The following NF1 variants were observed in gnomAD, a reference collection of about 807,000 sequenced individuals.
NF1 encodes the protein neurofibromin 1.
A neutral mutation model predicts 325.7 loss-of-function variants in NF1; 122 were observed. The ratio of observed to expected loss-of-function variants is 0.37; its 90% CI spans 0.32 to 0.44. The LOEUF (loss-of-function observed/expected upper bound fraction) is 0.44, where lower values mean the gene tolerates loss of function less well. NF1 is among the 20% of genes least tolerant of loss of function. NF1 has a pLI of 1.00. For missense variants in NF1, 2,140 were observed against 3,415.4 expected (o/e 0.63, Z 9.31); for synonymous variants, 1,091 against 1,186.0 (o/e 0.92, Z 1.65).
At chr17:31,210,590 A>C (rs1022320975) in intron 12 of NF1, among the ~76,000 whole-genome samples, 4 of 152,152 alleles carry the variant, frequency 2.6e-5, no homozygotes, top group Admixed American at 1.3e-4. Flanking sequence ...TGTCTCAAAG[A>C]AACAAAAACA....
At chr17:31,154,281 T>C (rs1199794625) in intron 1 of NF1, among the ~76,000 whole-genome samples, 1 of 152,074 alleles carries the variant, frequency 6.6e-6, no homozygotes, top group African/African-American at 2.4e-5. Flanking sequence ...GGTCTTGAAC[T>C]TTTGACCTCA....
chr17:31,235,541 A>G (rs1245027414), intron 27 of NF1, 70 bp from the exon 28 acceptor site: 1 of 1,576,722 alleles, frequency 6.3e-7, no homozygotes, highest in Non-Finnish European at 8.7e-7. Flanking sequence ...CATTTTTGCT[A>G]CTCTTTAGCT....
chr17:31,261,607 A>G, intron 34 of NF1, 104 bp from the exon 35 acceptor site: 1 of 1,243,532 alleles, frequency 8.0e-7, no homozygotes, highest in Non-Finnish European at 1.2e-6. Context: ...CTGTTTACAA[A>G]TCAGCTGACA....
At chr17:31,287,344 A>AT (rs376418916) in intron 36 of NF1, among the ~76,000 whole-genome samples, 8 of 152,210 alleles carry the variant, frequency 5.3e-5, no homozygotes, top group African/African-American at 2.4e-5. Flanking sequence ...TCTTAACCAT[A>AT]TTTTTTATCA....
At chr17:31,250,260 AG>A (rs1243384546) in intron 30 of NF1, 1 of 278,386 alleles carries the variant, frequency 3.6e-6, no homozygotes. Context: ...CTGAGTCTAA[AG>A]GGTAGTTTAG....
intron 8 of NF1, among the ~76,000 whole-genome samples, chr17:31,184,160 GA>G (rs2066188535): frequency 6.6e-6 from 1 of 152,138 alleles, no homozygotes; most frequent in Non-Finnish European, 1.5e-5. Flanking sequence ...ATATTGTGGA[GA>G]ACACTGATAG....
chr17:31,344,019 T>C (rs1209023570), intron 48 of NF1, among the ~76,000 whole-genome samples: 1 of 151,864 alleles, frequency 6.6e-6, no homozygotes, highest in African/African-American at 2.4e-5. Context: ...TGATAATAGC[T>C]ATATTAATAG....
intron 9 of NF1, 86 bp downstream of exon 9, chr17:31,200,681 T>C (rs2066512340): frequency 6.8e-7 from 1 of 1,460,176 alleles, no homozygotes; most frequent in East Asian, 2.3e-5. Flanking sequence ...AGATAATTGC[T>C]AACATTAAAG....
chr17:31,271,779 A>G (rs189734886), intron 36 of NF1, among the ~76,000 whole-genome samples: 10 of 151,476 alleles, frequency 6.6e-5, no homozygotes, highest in Admixed American at 2.6e-4. Context: ...TACAAAAACA[A>G]CTTCCCCCAT....
chr17:31,098,953 GAAT>G (rs1449428977), intron 1 of NF1, among the ~76,000 whole-genome samples: 3 of 117,704 alleles, frequency 2.5e-5, no homozygotes, highest in African/African-American at 8.6e-5. Context: ...AAAAAAAAAA[GAAT>G]CTTAATAGTT....
At chr17:31,343,184 C>A (rs1353049285) in intron 48 of NF1, 49 bp downstream of exon 48, 1 of 1,499,166 alleles carries the variant, frequency 6.7e-7, no homozygotes, top group Non-Finnish European at 9.2e-7. Flanking sequence ...ATTAAGAAAC[C>A]AGAAGTAATT....
At chr17:31,108,296 A>G (rs1482960740) in intron 1 of NF1, among the ~76,000 whole-genome samples, 2 of 113,680 alleles carry the variant, frequency 1.8e-5, no homozygotes, top group South Asian at 3.2e-4. Flanking sequence ...TTTTTCTGAG[A>G]CAGAGTCTCA....
At position 31,260,473 on chromosome 17, in the gene NF1, G is replaced by A. The variant is rs1267947462; in HGVS notation, c.4535G>A (p.Trp1512Ter). ...GNVLALHRLL[W>*]NNQEKIGQYL... Reference sequence around the variant, plus strand: ...GTGCTTGCTTTACATCGTCTACTCTGGAACAATCAGGAGAAAATTGGGCAG... The same window carrying A: ...GTGCTTGCTTTACATCGTCTACTCTAGAACAATCAGGAGAAAATTGGGCAG... The change falls in exon 34 of 58, where the codon TGG becomes TAG. Residue 1512 changes from tryptophan to a stop codon, truncating the protein, a stop_gained. Transcript: ENST00000358273. LOFTEE classifies it high-confidence loss of function. 6.2e-7 allele frequency: 1 copy of A among 1,613,930 alleles called. No individual in the cohort carries two copies. The highest frequency in any genetic ancestry group is 8.5e-7 in the Non-Finnish European group (1 of 1,179,940).
At chr17:31,253,097 C>A in intron 31 of NF1, 97 bp downstream of exon 31, 1 of 929,864 alleles carries the variant, frequency 1.1e-6, no homozygotes, top group South Asian at 1.4e-5. Flanking sequence ...CCTATTTGAC[C>A]TTCACTGTAA....
intron 1 of NF1, among the ~76,000 whole-genome samples, chr17:31,107,928 A>G (rs1913012322): frequency 6.6e-6 from 1 of 152,076 alleles, no homozygotes; most frequent in Admixed American, 6.6e-5. Flanking sequence ...GCTTGAGCCC[A>G]GGAGTTTGAG....
intron 13 of NF1, among the ~76,000 whole-genome samples, chr17:31,215,522 C>G (rs1444923082): frequency 6.6e-6 from 1 of 152,120 alleles, no homozygotes; most frequent in African/African-American, 2.4e-5. Context: ...GTTCCTATCT[C>G]AGAGATACTG....
At chr17:31,170,239 T>C (rs2065908384) in intron 5 of NF1, among the ~76,000 whole-genome samples, 1 of 152,248 alleles carries the variant, frequency 6.6e-6, no homozygotes, top group South Asian at 2.1e-4. Context: ...ACTACAATTT[T>C]TGTTTTCAAT....
intron 1 of NF1, among the ~76,000 whole-genome samples, chr17:31,151,282 G>C (rs1039339289): frequency 2.0e-5 from 3 of 151,980 alleles, no homozygotes; most frequent in Non-Finnish European, 4.4e-5. Context: ...ATACTATCTA[G>C]GATTGTATAA....
rs17883870 is a variant in NF1, at chr17:31,247,694, A to G, written c.3975-1290A>G. 3.6e-3 allele frequency among the ~76,000 whole-genome samples: 543 copies of G among 152,312 alleles called. 5 individuals are homozygous for G. Among genetic ancestry groups the G allele is most frequent in the African/African-American group, 0.012 (517 of 41,560 alleles). On this transcript the variant is annotated intron_variant, in intron 29 of 57. Transcript: ENST00000358273. ...AGGTAGCTGCCTTAGAGAATCTCTT[A>G]TGTGCAAGAATGTTCATTGCAATGG...
Sources: gnomAD v4.1 joint callset for allele counts (sites outside exome capture counted in the v4.1 genomes callset) on GRCh38, gnomAD v4.1.1 for gene constraint, MANE v1.5 for transcripts, NCBI Gene and HGNC (gene_info 2026-07-23, HGNC 2026-07-21) for gene names.